The following PVT1 variants were observed in gnomAD, a reference collection of about 807,000 sequenced individuals.
The protein encoded by PVT1 is CXCR4/PVT1 fusion.
At chr8:128,011,445 T>C (rs984873976) in intron 4 of PVT1, among the ~76,000 whole-genome samples, 2 of 152,130 alleles carry the variant, frequency 1.3e-5, no homozygotes, top group African/African-American at 4.8e-5. Context: ...CTCAGAGAGC[T>C]TACTGTCTCT....
chr8:127,902,424 T>C (rs1043945384), intron 3 of PVT1, among the ~76,000 whole-genome samples: 8 of 150,880 alleles, frequency 5.3e-5, no homozygotes, highest in Admixed American at 1.3e-4. Flanking sequence ...AGTTCTATTT[T>C]CTTTTTTTTT....
chr8:128,059,523 A>C (rs1234232128), intron 4 of PVT1, among the ~76,000 whole-genome samples: 3 of 152,226 alleles, frequency 2.0e-5, no homozygotes, highest in South Asian at 2.1e-4. Context: ...TGAGAATGGA[A>C]ATTTCAATGT....
At chr8:127,975,637 C>T (rs979144647) in intron 3 of PVT1, among the ~76,000 whole-genome samples, 3 of 152,180 alleles carry the variant, frequency 2.0e-5, no homozygotes, top group African/African-American at 7.2e-5. Flanking sequence ...CTCTTCACGT[C>T]GTGGGGTTCT....
chr8:127,864,476 C>T (rs1480321158), intron 2 of PVT1, among the ~76,000 whole-genome samples: 3 of 152,160 alleles, frequency 2.0e-5, no homozygotes, highest in Non-Finnish European at 4.4e-5. Flanking sequence ...GATTTCTCTC[C>T]CACCCCTCGC....
At chr8:128,057,424 C>G (rs1813776012) in intron 4 of PVT1, among the ~76,000 whole-genome samples, 1 of 152,100 alleles carries the variant, frequency 6.6e-6, no homozygotes. Context: ...TTTTCATGGC[C>G]CCAGGTCCTA....
At chr8:127,868,835 T>C (rs36149125) in intron 2 of PVT1, among the ~76,000 whole-genome samples, 3,246 of 22,990 alleles carry the variant, frequency 0.14, 64 homozygotes, top group Middle Eastern at 0.37. Context: ...GTATTATCTC[T>C]TTACTTTTTA....
chr8:127,812,175 GGAGA>G (rs1334522740), intron 2 of PVT1, among the ~76,000 whole-genome samples: 6 of 147,622 alleles, frequency 4.1e-5, no homozygotes, highest in African/African-American at 1.3e-4. Context: ...AGGGGAAGAG[GGAGA>G]GAGGGAGGGA....
At chr8:128,065,212 G>A (rs1427982224) in intron 4 of PVT1, among the ~76,000 whole-genome samples, 5 of 150,558 alleles carry the variant, frequency 3.3e-5, no homozygotes, top group African/African-American at 7.3e-5. Flanking sequence ...TTTTTTTTGA[G>A]ACACAATTTC....
intron 3 of PVT1, among the ~76,000 whole-genome samples, chr8:127,956,686 T>G (rs909356431): frequency 6.6e-6 from 1 of 152,210 alleles, no homozygotes; most frequent in Non-Finnish European, 1.5e-5. Context: ...AATTTCACCA[T>G]GTTGGGCAGG....
intron 4 of PVT1, among the ~76,000 whole-genome samples, chr8:128,016,987 G>A (rs79331925): frequency 0.016 from 2,485 of 152,198 alleles, 66 homozygotes; most frequent in African/African-American, 0.056. Flanking sequence ...GGAGTTCAAG[G>A]CAAAACTGGG....
chr8:127,814,975 AT>A (rs963434172), intron 2 of PVT1, among the ~76,000 whole-genome samples: 2 of 149,698 alleles, frequency 1.3e-5, no homozygotes, highest in Non-Finnish European at 3.0e-5. Context: ...TTTATTTTTT[AT>A]TTTTTTTTGA....
chr8:127,906,549 G>A (rs1278763914), intron 3 of PVT1, among the ~76,000 whole-genome samples: 2 of 152,150 alleles, frequency 1.3e-5, no homozygotes, highest in Non-Finnish European at 2.9e-5. Context: ...TGACGAATGG[G>A]TGAGAAGTTG....
At chr8:127,926,803 C>T (rs562031800) in intron 3 of PVT1, among the ~76,000 whole-genome samples, 48 of 152,214 alleles carry the variant, frequency 3.2e-4, no homozygotes, top group Non-Finnish European at 6.0e-4. Flanking sequence ...AGATCCTTGG[C>T]CTGCTGGCTC....
At chr8:127,975,705 C>T (rs1454548033) in intron 3 of PVT1, among the ~76,000 whole-genome samples, 1 of 152,182 alleles carries the variant, frequency 6.6e-6, no homozygotes, top group Non-Finnish European at 1.5e-5. Context: ...AACAGTTGTC[C>T]CCCTAGATTT....
chr8:127,910,659 G>T (rs151263072), intron 3 of PVT1, among the ~76,000 whole-genome samples: 54 of 152,256 alleles, frequency 3.5e-4, no homozygotes, highest in African/African-American at 1.1e-3. Flanking sequence ...TAACTTCTGG[G>T]CAGTGCGAAT....
chr8:127,877,018 G>A (rs1815412837), intron 2 of PVT1, among the ~76,000 whole-genome samples: 1 of 152,214 alleles, frequency 6.6e-6, no homozygotes, highest in Non-Finnish European at 1.5e-5. Context: ...GTTTTAAAGA[G>A]GAGTTGGAAC....
chr8:127,910,183 G>A (rs1025686825), intron 3 of PVT1, among the ~76,000 whole-genome samples: 11 of 152,292 alleles, frequency 7.2e-5, no homozygotes, highest in Admixed American at 5.2e-4. Flanking sequence ...TCATGGACGT[G>A]GGTCTCTGCT....
chr8:128,014,283 C>T (rs547017702), intron 4 of PVT1, among the ~76,000 whole-genome samples: 1 of 152,356 alleles, frequency 6.6e-6, no homozygotes, highest in African/African-American at 2.4e-5. Flanking sequence ...CTCATCTCTA[C>T]AAGGGGGGTT....
intron 4 of PVT1, among the ~76,000 whole-genome samples, chr8:128,056,102 C>G (rs1813759400): frequency 6.6e-6 from 1 of 152,224 alleles, no homozygotes; most frequent in South Asian, 2.1e-4. Flanking sequence ...GTAGTGACCT[C>G]TGAACAGAAA....
Sources: allele counts gnomAD v4.1 joint callset (sites outside exome capture counted in the v4.1 genomes callset), GRCh38; gene constraint gnomAD v4.1.1; transcripts MANE v1.5; gene names NCBI Gene and HGNC (gene_info 2026-07-23, HGNC 2026-07-21).